The following SPTA1 variants were observed in gnomAD, a reference collection of about 807,000 sequenced individuals.
The protein encoded by SPTA1 is spectrin alpha, erythrocytic 1, also known as spectrin alpha chain, erythrocytic 1.
SPTA1 carries 177 observed loss-of-function variants against 324.7 expected under a neutral mutation model. That is an observed-to-expected ratio of 0.55 (90% CI 0.48 to 0.62). SPTA1 has a LOEUF of 0.62. Among genes scored for constraint, SPTA1 ranks in the 20% least tolerant of loss-of-function variants. The pLI is 0.00. For synonymous variants in SPTA1, 1,195 were observed against 1,041.3 expected, an observed-to-expected ratio of 1.15 and a Z score of -2.84; for missense variants, 3,162 against 2,883.6, an observed-to-expected ratio of 1.10 and a Z score of -2.21.
At position 158,662,815 on chromosome 1, in the gene SPTA1, G is replaced by C. The variant is rs1557972651; in HGVS notation, c.2351C>G (p.Thr784Ser). ...AAGGTCTAAGAGCTTCTTCTTTCGG[G>C]TGGCCAGTGGCTCTTTCAGAGCTTC... is the stretch of plus-strand genomic sequence containing the variant. ...RFEALKEPLA[T>S]RKKKLLDLLH... Residue 784 changes from threonine (T) to serine (S), a missense_variant, in exon 17 of 52, where the codon ACC becomes AGC. Physicochemically the swap from Thr to Ser is moderately conservative, Grantham distance 58 (BLOSUM62 1). Transcript: ENST00000643759. 22 of 1,613,948 alleles carry C rather than the reference G, an allele frequency of 1.4e-5. No individual in the cohort carries two copies. Among genetic ancestry groups the C allele is most frequent in the Non-Finnish European group, 1.9e-5 (22 of 1,180,000 alleles).
At chr1:158,658,398 A>C (rs1478564603) in intron 18 of SPTA1, among the ~76,000 whole-genome samples, 2 of 152,184 alleles carry the variant, frequency 1.3e-5, no homozygotes, top group East Asian at 3.8e-4. Flanking sequence ...ACTCATATGC[A>C]CACATGTATA....
chr1:158,675,058 A>C (rs1410463166), intron 8 of SPTA1, among the ~76,000 whole-genome samples: 1 of 152,178 alleles, frequency 6.6e-6, no homozygotes, highest in Non-Finnish European at 1.5e-5. Context: ...AACTAGAATT[A>C]GCATTAGGAT....
chr1:158,618,218 C>A lies in SPTA1; in HGVS notation c.6531-162G>T, dbSNP rs184415753. The A allele has an allele frequency of 1.2e-4, 84 of 716,502 alleles. 2 individuals carry two copies. In the South Asian group the frequency reaches 1.4e-3, roughly 12 times the overall value. 44.4% of individuals were successfully genotyped at this position (716,502 alleles called of 1,614,324 possible). A position where few individuals can be genotyped will look rare whatever the true frequency, so the allele number is the denominator to read the frequency against. On this transcript the variant is annotated intron_variant, in intron 45 of 51. Transcript: ENST00000643759. ...GTCCACCCACTGGTTCCCAAGGCCT[C>A]TCCCACTCTGAGAAGATCAGAGTCT...
Position 158,656,599 on chromosome 1 carries a change from T to C in SPTA1, c.2863A>G (p.Met955Val), listed in dbSNP as rs1348234804. The part of the protein sequence containing the change: ...LLDLNSFGDS[M>V]KALRNQANAC... ...TTTGCCTGATTCCGCAGAGCTTTCA[T>C]ACTGTCTCCAAATGAATTGAGATCT... The change falls in exon 20 of 52, where the codon ATG becomes GTG. Residue 955 changes from methionine to valine, a missense_variant. Physicochemically the swap from Met to Val is conservative, Grantham distance 21. Transcript: ENST00000643759. 1 of 1,613,982 alleles carries C rather than the reference T, an allele frequency of 6.2e-7. No individual in the cohort carries two copies.
rs777736782 is a variant in SPTA1 at position 158,642,423 on chromosome 1, T to C, written c.4725A>G (p.Glu1575=). The C allele has an allele frequency of 6.2e-7, 1 of 1,613,470 alleles. No individual in the cohort carries two copies. The highest frequency in any genetic ancestry group is 8.5e-7 in the Non-Finnish European group (1 of 1,179,574). Residue 1575 remains glutamate (E), a synonymous_variant, in exon 33 of 52, where the codon GAA becomes GAG. Coordinates refer to ENST00000643759, the MANE Select transcript of SPTA1 (RefSeq NM_003126.4). ...TCCTGAGCTTTACCTTCATGGCCTC[T>C]TCATTGCCATCACAAGCGCTACACT... ...LIECSACDGN[E]EAMKEQLEQL...
chr1:158,668,132 GA>G, intron 14 of SPTA1, 70 bp from the exon 15 acceptor site: 1 of 1,505,720 alleles, frequency 6.6e-7, no homozygotes, highest in Non-Finnish European at 9.1e-7. Context: ...TTGAGAATAA[GA>G]GGTTACTTCT....
chr1:158,611,820 G>A (rs200452185), intron 51 of SPTA1: 47,998 of 187,124 alleles, frequency 0.26, 6,370 homozygotes, highest in Middle Eastern at 0.31. Context: ...GTAGAGCTGG[G>A]ACTTGAACCT....
intron 23 of SPTA1, 72 bp from the exon 24 acceptor site, chr1:158,651,540 A>G (rs1369867729): frequency 5.1e-6 from 5 of 978,910 alleles, no homozygotes; most frequent in Non-Finnish European, 8.3e-6. Context: ...TCAAGAATCT[A>G]CCATACTTAC....
chr1:158,650,185 A>G (rs1227480816), intron 24 of SPTA1, among the ~76,000 whole-genome samples: 5 of 152,220 alleles, frequency 3.3e-5, no homozygotes, highest in Admixed American at 6.5e-5. Context: ...ACTCCGGAGC[A>G]GTAAATAAGT....
intron 7 of SPTA1, among the ~76,000 whole-genome samples, chr1:158,677,065 G>A (rs1292675638): frequency 2.0e-5 from 3 of 152,100 alleles, no homozygotes; most frequent in Admixed American, 2.0e-4. Flanking sequence ...ATCTTTCTGT[G>A]GGCTGACTCC....
chr1:158,632,877 A>G (rs1265953078), intron 39 of SPTA1, among the ~76,000 whole-genome samples: 1 of 151,910 alleles, frequency 6.6e-6, no homozygotes, highest in East Asian at 1.9e-4. Context: ...TCTGTGCATG[A>G]ATATTTATAG....
rs993352205 is a variant in SPTA1, at chr1:158,652,885, T to C, written c.3189-232A>G. On this transcript the variant is annotated intron_variant, in intron 22 of 51. Transcript: ENST00000643759. ...AATAGTAAAAATGCCAGTGACCCAATAGTATGACTGGCAACATTCCTTTCC... is the reference window on the plus strand; with the variant it reads ...AATAGTAAAAATGCCAGTGACCCAACAGTATGACTGGCAACATTCCTTTCC... 2.6e-5 allele frequency among the ~76,000 whole-genome samples: 4 copies of C among 152,290 alleles called. No homozygotes were observed. The South Asian group carries it at 8.3e-4, about 32-fold the overall frequency.
At chr1:158,644,457 T>C (rs1262386957) in intron 29 of SPTA1, 61 bp from the exon 30 acceptor site, 50 of 1,592,758 alleles carry the variant, frequency 3.1e-5, no homozygotes, top group Non-Finnish European at 4.0e-5. Context: ...GAAATGATGT[T>C]ACACCTCTTT....
chr1:158,633,013 C>T (rs1408237209), intron 39 of SPTA1, among the ~76,000 whole-genome samples: 2 of 152,146 alleles, frequency 1.3e-5, no homozygotes, highest in Non-Finnish European at 2.9e-5. Flanking sequence ...ACTATTGTTA[C>T]ACACAATAAC....
At chr1:158,678,636 G>A (rs944415104) in intron 5 of SPTA1, 102 bp from the exon 6 acceptor site, 2 of 1,394,922 alleles carry the variant, frequency 1.4e-6, no homozygotes, top group African/African-American at 2.9e-5. Context: ...TTTTACAGAA[G>A]TGAAAACTGA....
In SPTA1 at chr1:158,675,845, C is replaced by T. The variant is rs534316353; in HGVS notation, c.1112+296G>A. On this transcript the variant is annotated intron_variant, in intron 8 of 51. Coordinates refer to ENST00000643759, the MANE Select transcript of SPTA1 (RefSeq NM_003126.4). ...GGACCAGCCAGAAATTTTATCATGC[C>T]TCTTAGAATAATAAGCAATTTAAAA... is the stretch of plus-strand genomic sequence containing the variant. Among the ~76,000 whole-genome samples, 45 of 152,218 alleles carry T rather than the reference C, an allele frequency of 3.0e-4. 2 individuals are homozygous for T. In the South Asian group the frequency reaches 9.1e-3, roughly 31 times the overall value.
At chr1:158,623,909 T>C (rs1434098490) in intron 42 of SPTA1, among the ~76,000 whole-genome samples, 1 of 152,182 alleles carries the variant, frequency 6.6e-6, no homozygotes, top group African/African-American at 2.4e-5. Flanking sequence ...CCCTGATTTG[T>C]GTAGCCTAGT....
rs766046816 is a variant in SPTA1, at chr1:158,676,200, G to A, written c.1053C>T (p.Ser351=). The A allele has an allele frequency of 6.2e-6, 10 of 1,613,772 alleles. No homozygotes were observed. Among genetic ancestry groups the A allele is most frequent in the Non-Finnish European group, 8.5e-6 (10 of 1,179,788 alleles). ...IQEMKEDLVS[S]WEHIRALATS... is the part of the protein sequence containing the mutation. ...TGGCCAGGGCACGAATATGCTCCCA[G>A]CTGGAGACCAGATCTTCTTTCATCT... The change falls in exon 8 of 52, where the codon AGC becomes AGT. Residue 351 remains serine (S), a synonymous_variant. Transcript: ENST00000643759.
chr1:158,626,905 G>A lies in SPTA1; in HGVS notation c.5767C>T (p.Gln1923Ter). The change falls in exon 41 of 52, where the codon CAA becomes TAA. Residue 1923 changes from glutamine to a stop codon, truncating the protein, a stop_gained. Transcript: ENST00000643759. LOFTEE classifies it high-confidence loss of function. ...LAKAIAAWKL[Q>*]LEDDYAFQEF... ...TGAAAGGCATAATCGTCTTCCAATT[G>A]CAACTTCCAAGCAGCTATTGCCTTA... 6.2e-7 allele frequency: 1 copy of A among 1,613,886 alleles called. No homozygotes were observed. Among genetic ancestry groups the A allele is most frequent in the Non-Finnish European group, 8.5e-7 (1 of 1,179,844 alleles).
Sources: gnomAD v4.1 joint callset for allele counts (sites outside exome capture counted in the v4.1 genomes callset) on GRCh38, gnomAD v4.1.1 for gene constraint, MANE v1.5 for transcripts, NCBI Gene and HGNC (gene_info 2026-07-23, HGNC 2026-07-21) for gene names.